The following ABCC2 variants were observed in gnomAD, a reference collection of about 807,000 sequenced individuals.
ABCC2 encodes ATP binding cassette subfamily C member 2, also known as ATP-binding cassette sub-family C member 2.
A neutral mutation model predicts 173.4 loss-of-function variants in ABCC2; 157 were observed. The observed-to-expected ratio is 0.91, with a 90% CI of 0.80 to 1.03. The LOEUF is 1.03. Ranked by LOEUF, ABCC2 falls within the 50% of genes least tolerant of loss-of-function variation. ABCC2 has a pLI of 0.00. For missense variants in ABCC2, 1,822 were observed against 1,852.3 expected, an observed-to-expected ratio of 0.98 and a Z score of 0.30; for synonymous variants, 657 against 693.5, an observed-to-expected ratio of 0.95 and a Z score of 0.83.
In ABCC2 at chr10:99,818,858, C is replaced by T. The variant is rs1400301074; in HGVS notation, c.2340C>T (p.Asp780=). Residue 780 remains aspartate (D), a synonymous_variant, in exon 18 of 32, where the codon GAC becomes GAT. Coordinates refer to ENST00000647814, the MANE Select transcript of ABCC2 (RefSeq NM_000392.5). ...SLARATYQNL[D]IYLLDDPLSA... The stretch of plus-strand genomic sequence containing the variant: ...CCAGAGCTACCTACCAAAATTTAGA[C>T]ATCTATCTTCTAGATGACCCCCTGT... 6.2e-7 allele frequency: 1 copy of T among 1,614,198 alleles called. No homozygotes were observed. The highest frequency in any genetic ancestry group is 1.1e-5 in the South Asian group (1 of 91,086).
Position 99,797,286 on chromosome 10 carries a change from T to C in ABCC2, c.822T>C (p.Pro274=). 6.2e-7 allele frequency: 1 copy of C among 1,613,814 alleles called. No homozygotes were observed. The highest frequency in any genetic ancestry group is 8.5e-7 in the Non-Finnish European group (1 of 1,179,844). The change falls in exon 7 of 32, where the codon CCT becomes CCC. Residue 274 remains proline, a synonymous_variant. Transcript: ENST00000647814. ...AGCAGAACTCTGGAGCCAGGCTGCCTGGCTTGAACAAGAATCAGAGTCAAA... is the reference window on the plus strand; with the variant it reads ...AGCAGAACTCTGGAGCCAGGCTGCCCGGCTTGAACAAGAATCAGAGTCAAA... ...SSQQNSGARL[P]GLNKNQSQSQ...
At chr10:99,807,138 AG>A (rs756971638) in intron 11 of ABCC2, among the ~76,000 whole-genome samples, 4 of 152,256 alleles carry the variant, frequency 2.6e-5, no homozygotes, top group Non-Finnish European at 5.9e-5. Flanking sequence ...GCAGCCCTTT[AG>A]TCCCAGGCAA....
In ABCC2 at chr10:99,846,786, G is replaced by C. The variant is rs114651758; in HGVS notation, c.4147-175G>C. 0.03 allele frequency among the ~76,000 whole-genome samples: 4,551 copies of C among 152,246 alleles called. 225 individuals are homozygous for C. Among genetic ancestry groups the C allele is most frequent in the African/African-American group, 0.1 (4,289 of 41,516 alleles). On this transcript the variant is annotated intron_variant, in intron 29 of 31. Coordinates refer to ENST00000647814, the MANE Select transcript of ABCC2 (RefSeq NM_000392.5). Reference sequence around the variant, plus strand: ...CTAACCCTGTGCCTAGCCCCTGGCTGGTAGCCACTCCGAGCCTTAGGAGGG... The same window carrying C: ...CTAACCCTGTGCCTAGCCCCTGGCTCGTAGCCACTCCGAGCCTTAGGAGGG...
In ABCC2 at chr10:99,814,256, T is replaced by TGTATATATAC. The variant is rs2038297844; in HGVS notation, c.2094+1112_2094+1113insGTATATATAC. On this transcript the variant is annotated intron_variant, in intron 16 of 31. Coordinates refer to ENST00000647814, the MANE Select transcript of ABCC2 (RefSeq NM_000392.5). The stretch of plus-strand genomic sequence containing the variant: ...GTGTATATATGCACACACGTATGTA[T>TGTATATATAC]ACACACGTATGTATACACACGTATG... Among the ~76,000 whole-genome samples, 2 of 34,910 alleles carry TGTATATATAC rather than the reference T, an allele frequency of 5.7e-5. 1 individual carries two copies. The highest frequency in any genetic ancestry group is 2.4e-4 in the African/African-American group (2 of 8,236). 22.9% of individuals were successfully genotyped at this position (34,910 alleles called of 152,430 possible). A position where few individuals can be genotyped will look rare whatever the true frequency, so the allele number is the denominator to read the frequency against.
chr10:99,801,400 C>T (rs2038014195), intron 9 of ABCC2, among the ~76,000 whole-genome samples: 1 of 152,082 alleles, frequency 6.6e-6, no homozygotes, highest in Non-Finnish European at 1.5e-5. Context: ...CCACGCCCGG[C>T]TAATTTTTTG....
At chr10:99,813,212 C>G in intron 16 of ABCC2, 68 bp downstream of exon 16, 1 of 1,579,788 alleles carries the variant, frequency 6.3e-7, no homozygotes, top group African/African-American at 1.3e-5. Flanking sequence ...TTTTGCCTCA[C>G]TGGGGAGAAG....
chr10:99,825,751 CT>C lies in ABCC2; in HGVS notation c.2621-4555del, dbSNP rs367815928. The stretch of plus-strand genomic sequence containing the variant: ...TCCTCTCAGGCAGTGGGCCATATAC[CT>C]CTGTGGGGATTTTTTGTGGGGGCTC... On this transcript the variant is annotated intron_variant, in intron 19 of 31. Coordinates refer to ENST00000647814, the MANE Select transcript of ABCC2 (RefSeq NM_000392.5). Among the ~76,000 whole-genome samples, 47 of 152,232 alleles carry C rather than the reference CT, an allele frequency of 3.1e-4. 2 individuals carry two copies. The South Asian group carries it at 8.5e-3, about 28-fold the overall frequency.
At position 99,792,353 on chromosome 10, in the gene ABCC2, C is replaced by T. The variant is rs1246213507; in HGVS notation, c.327C>T (p.Gly109=). The change falls in exon 3 of 32, where the codon GGC becomes GGT. Residue 109 remains glycine, a synonymous_variant. Coordinates refer to ENST00000647814, the MANE Select transcript of ABCC2 (RefSeq NM_000392.5). Reference sequence around the variant, plus strand: ...ATACCAATCCAAGCCTCTACCTAGGCACATGGGTAAGACCTATACCACTTC... The same window carrying T: ...ATACCAATCCAAGCCTCTACCTAGGTACATGGGTAAGACCTATACCACTTC... ...VRYTNPSLYL[G]TWLLVLLIQY... 10 of 1,613,886 alleles carry T rather than the reference C, an allele frequency of 6.2e-6. No homozygotes were observed. Among genetic ancestry groups the T allele is most frequent in the South Asian group, 1.1e-5 (1 of 91,090 alleles).
intron 19 of ABCC2, among the ~76,000 whole-genome samples, chr10:99,823,229 G>A (rs1018635670): frequency 2.7e-4 from 41 of 152,124 alleles, no homozygotes; most frequent in Non-Finnish European, 4.3e-4. Context: ...CATCAAATTT[G>A]TTTTTTAATC....
At chr10:99,804,653 G>A (rs1564677475) in intron 10 of ABCC2, among the ~76,000 whole-genome samples, 1 of 152,078 alleles carries the variant, frequency 6.6e-6, no homozygotes. Flanking sequence ...CCAAATTTCA[G>A]CCTGAGCCTT....
At chr10:99,832,250 C>T in intron 23 of ABCC2, 119 bp downstream of exon 23, 2 of 1,314,072 alleles carry the variant, frequency 1.5e-6, no homozygotes, top group South Asian at 2.5e-5. Flanking sequence ...TGTCACTCAA[C>T]ATGCAAGTGT....
At chr10:99,816,445 A>G (rs1314699902) in intron 16 of ABCC2, among the ~76,000 whole-genome samples, 1 of 151,874 alleles carries the variant, frequency 6.6e-6, no homozygotes, top group Non-Finnish European at 1.5e-5. Context: ...CACCAAGCCC[A>G]GCTACTTTTT....
At chr10:99,785,509 C>T (rs896304545) in intron 2 of ABCC2, among the ~76,000 whole-genome samples, 2 of 151,882 alleles carry the variant, frequency 1.3e-5, no homozygotes, top group Admixed American at 6.6e-5. Flanking sequence ...TTCTATCTCT[C>T]CTTATTATCA....
chr10:99,793,676 A>C lies in ABCC2; in HGVS notation c.459A>C (p.Thr153=). Residue 153 remains threonine, a synonymous_variant, in exon 4 of 32, where the codon ACA becomes ACC. Coordinates refer to ENST00000647814, the MANE Select transcript of ABCC2 (RefSeq NM_000392.5). ...GTFQFQTLIR[T]LLQGDNSNLA... ...TCCAATTTCAGACTCTGATCCGGAC[A>C]CTCTTACAGGTAAGGAAAAAAAGAG... The C allele has an allele frequency of 6.2e-7, 1 of 1,613,970 alleles. No homozygotes were observed. Among genetic ancestry groups the C allele is most frequent in the Non-Finnish European group, 8.5e-7 (1 of 1,179,970 alleles).
At chr10:99,829,536 C>T (rs2038703369) in intron 19 of ABCC2, among the ~76,000 whole-genome samples, 1 of 107,692 alleles carries the variant, frequency 9.3e-6, no homozygotes, top group Admixed American at 9.6e-5. Context: ...GATGCCCACA[C>T]TGTGTCTTAT....
At chr10:99,791,007 A>T (rs2037802598) in intron 2 of ABCC2, among the ~76,000 whole-genome samples, 1 of 152,150 alleles carries the variant, frequency 6.6e-6, no homozygotes, top group Non-Finnish European at 1.5e-5. Flanking sequence ...TACTCAGTGG[A>T]GGCAGTAATT....
intron 5 of ABCC2, 121 bp from the exon 6 acceptor site, chr10:99,794,292 T>C (rs1033214230): frequency 3.1e-6 from 3 of 963,286 alleles, no homozygotes; most frequent in African/African-American, 1.6e-5. Context: ...AAGCTGACTT[T>C]AACATCATAT....
chr10:99,836,983 TAA>T (rs549457941), intron 25 of ABCC2, among the ~76,000 whole-genome samples: 152 of 152,358 alleles, frequency 1.0e-3, no homozygotes, highest in African/African-American at 3.6e-3. Flanking sequence ...AGTTTGATTG[TAA>T]AGATATTTTA....
In ABCC2 at chr10:99,847,721, C is replaced by T. The variant is rs935531095; in HGVS notation, c.4313+594C>T. ...GGATCACGAGGTCAGGAGTTCAAGA[C>T]CAGCCTGGCCAAGATGGTGAAACCC... On this transcript the variant is annotated intron_variant, in intron 30 of 31. Transcript: ENST00000647814. Among the ~76,000 whole-genome samples, 3 of 152,254 alleles carry T rather than the reference C, an allele frequency of 2.0e-5. No homozygotes were observed. The East Asian group carries it at 5.8e-4, about 29-fold the overall frequency.
Sources: gnomAD v4.1 joint callset for allele counts (sites outside exome capture counted in the v4.1 genomes callset) on GRCh38, gnomAD v4.1.1 for gene constraint, MANE v1.5 for transcripts, NCBI Gene and HGNC (gene_info 2026-07-23, HGNC 2026-07-21) for gene names.